The following TMEM132C variants were observed in gnomAD, a reference collection of about 807,000 sequenced individuals.
TMEM132C encodes transmembrane protein 132C, also known as protein phosphatase 1, regulatory subunit 152.
Under a neutral mutation model 61.4 loss-of-function variants are expected in TMEM132C, and 29 were observed. The observed-to-expected ratio is 0.47, with a 90% CI of 0.35 to 0.64. TMEM132C has a LOEUF of 0.64. Ranked by LOEUF, TMEM132C falls within the 30% of genes least tolerant of loss-of-function variation. The pLI, the probability that TMEM132C is intolerant of heterozygous loss-of-function variation, is 0.00. For synonymous variants in TMEM132C, 656 were observed against 633.1 expected, an observed-to-expected ratio of 1.04 and a Z score of -0.54; for missense variants, 1,408 against 1,476.9, an observed-to-expected ratio of 0.95 and a Z score of 0.76.
chr12:128,440,982 A>G (rs535890519), intron 2 of TMEM132C, among the ~76,000 whole-genome samples: 32 of 152,324 alleles, frequency 2.1e-4, no homozygotes, highest in African/African-American at 7.7e-4. Flanking sequence ...CAGAGGTTGC[A>G]GTGAGCTCAG....
At chr12:128,331,018 A>C (rs902038247) in intron 1 of TMEM132C, among the ~76,000 whole-genome samples, 1 of 152,190 alleles carries the variant, frequency 6.6e-6, no homozygotes, top group Non-Finnish European at 1.5e-5. Flanking sequence ...CCAACAATAA[A>C]AGAATGAAAG....
intron 4 of TMEM132C, among the ~76,000 whole-genome samples, chr12:128,668,857 G>A (rs1240061725): frequency 6.6e-6 from 1 of 152,058 alleles, no homozygotes; most frequent in Non-Finnish European, 1.5e-5. Context: ...CTCCTCCTCT[G>A]ACCTTCATGG....
chr12:128,392,893 G>C (rs1874814599), intron 1 of TMEM132C, among the ~76,000 whole-genome samples: 1 of 152,196 alleles, frequency 6.6e-6, no homozygotes, highest in Non-Finnish European at 1.5e-5. Flanking sequence ...GCGGCCTGCA[G>C]GCCGTGGGTT....
chr12:128,407,590 C>G (rs1460225262), intron 1 of TMEM132C, among the ~76,000 whole-genome samples: 1 of 152,184 alleles, frequency 6.6e-6, no homozygotes, highest in African/African-American at 2.4e-5. Flanking sequence ...ATGGCCTCAG[C>G]TGGGATCGCA....
At chr12:128,693,567 T>C (rs1954735034) in intron 5 of TMEM132C, among the ~76,000 whole-genome samples, 1 of 152,184 alleles carries the variant, frequency 6.6e-6, no homozygotes, top group African/African-American at 2.4e-5. Context: ...ACCGAGCCCA[T>C]GGTCCCTGTA....
At chr12:128,595,360 C>T (rs1391192490) in intron 3 of TMEM132C, among the ~76,000 whole-genome samples, 4 of 152,166 alleles carry the variant, frequency 2.6e-5, no homozygotes, top group African/African-American at 9.7e-5. Flanking sequence ...TCTCTCCAGG[C>T]CCTGGCTTCC....
intron 1 of TMEM132C, among the ~76,000 whole-genome samples, chr12:128,400,855 C>T (rs1593040167): frequency 6.6e-6 from 1 of 151,838 alleles, no homozygotes; most frequent in African/African-American, 2.4e-5. Flanking sequence ...AGGGATCCAC[C>T]GCCTTAGCCT....
intron 1 of TMEM132C, among the ~76,000 whole-genome samples, chr12:128,300,202 GT>G (rs1433887788): frequency 6.6e-6 from 1 of 152,120 alleles, no homozygotes; most frequent in Non-Finnish European, 1.5e-5. Flanking sequence ...CCTCTAAGCA[GT>G]TTTTTACTGG....
chr12:128,308,009 AG>A (rs1871840869), intron 1 of TMEM132C, among the ~76,000 whole-genome samples: 1 of 152,226 alleles, frequency 6.6e-6, no homozygotes, highest in Non-Finnish European at 1.5e-5. Flanking sequence ...AGGGCTGGGC[AG>A]GTATTCAAAG....
rs1265369391 is a variant in TMEM132C, at chr12:128,524,616, T to C, written c.975-19341T>C. Among the ~76,000 whole-genome samples the C allele has an allele frequency of 5.9e-5, 9 of 152,316 alleles. No homozygotes were observed. In the East Asian group the frequency reaches 1.7e-3, roughly 29 times the overall value. ...TTTGTGAATTGGGAGAAAACAAGCC[T>C]ACTCATTAAAATTCCACCGTGAGAA... On this transcript the variant is annotated intron_variant, in intron 2 of 8. Transcript: ENST00000435159.
At chr12:128,388,461 C>T (rs1225103409) in intron 1 of TMEM132C, among the ~76,000 whole-genome samples, 1 of 152,262 alleles carries the variant, frequency 6.6e-6, no homozygotes, top group African/African-American at 2.4e-5. Flanking sequence ...TCTTCCCTCT[C>T]TCCCTGCCTC....
intron 1 of TMEM132C, among the ~76,000 whole-genome samples, chr12:128,286,139 C>T (rs1016028105): frequency 7.2e-5 from 11 of 152,042 alleles, no homozygotes; most frequent in African/African-American, 1.2e-4. Context: ...TTCACACACA[C>T]GCATGCTTTC....
intron 1 of TMEM132C, chr12:128,404,906 A>G (rs1468755700): frequency 7.5e-6 from 1 of 133,456 alleles, no homozygotes; most frequent in African/African-American, 2.7e-5. Flanking sequence ...GGAGGACACA[A>G]TATCCCCAAC....
intron 1 of TMEM132C, among the ~76,000 whole-genome samples, chr12:128,363,130 A>G (rs956718343): frequency 1.3e-5 from 2 of 152,254 alleles, no homozygotes; most frequent in Non-Finnish European, 2.9e-5. Flanking sequence ...TCCGTTTTGT[A>G]GGAAAAAGTC....
At chr12:128,700,941 A>G (rs1310269431) in intron 8 of TMEM132C, among the ~76,000 whole-genome samples, 3 of 152,206 alleles carry the variant, frequency 2.0e-5, no homozygotes, top group Non-Finnish European at 4.4e-5. Flanking sequence ...TGGTGAAGAC[A>G]ATACCAGTAG....
Position 128,669,559 on chromosome 12 carries a change from A to G in TMEM132C, c.1448A>G (p.Lys483Arg). 6.4e-7 allele frequency: 1 copy of G among 1,551,236 alleles called. No individual in the cohort carries two copies. Among genetic ancestry groups the G allele is most frequent in the Non-Finnish European group, 8.7e-7 (1 of 1,146,794 alleles). Residue 483 changes from lysine to arginine, a missense_variant and splice_region_variant, in exon 5 of 9, where the codon AAA becomes AGA. Lys to Arg is a conservative substitution (Grantham distance 26). Coordinates refer to ENST00000435159, the MANE Select transcript of TMEM132C (RefSeq NM_001136103.3). ...ECKSTDEDVI[K>R]VSERCDYIFV... ...AAGTCCACAGACGAGGACGTTATCA[A>G]AGTAAGTCATTCCACAGCCAGCTGG...
intron 2 of TMEM132C, among the ~76,000 whole-genome samples, chr12:128,504,296 A>G (rs1490143506): frequency 1.3e-5 from 2 of 152,318 alleles, no homozygotes; most frequent in Middle Eastern, 3.4e-3. Flanking sequence ...TTTGGCCAAA[A>G]GAGTCCCAGA....
rs762428823 is a variant in TMEM132C, at chr12:128,616,320, C to T, written c.1290C>T (p.Ile430=). The T allele has an allele frequency of 2.8e-5, 44 of 1,551,608 alleles. No individual in the cohort carries two copies. Among genetic ancestry groups the T allele is most frequent in the South Asian group, 4.8e-5 (4 of 83,990 alleles). Reference sequence around the variant, plus strand: ...TCAGCCAGAAGGACCTGGTGGGCATCGTTCCCTTGGCTATGGTGAGTCCTG... The same window carrying T: ...TCAGCCAGAAGGACCTGGTGGGCATTGTTCCCTTGGCTATGGTGAGTCCTG... ...IFVSQKDLVG[I]VPLAMDTEIL... is the part of the protein sequence containing the mutation. The change falls in exon 4 of 9, where the codon ATC becomes ATT. Residue 430 remains isoleucine (I), a synonymous_variant. Transcript: ENST00000435159.
At chr12:128,675,831 T>TAGA (rs1222853689) in intron 5 of TMEM132C, among the ~76,000 whole-genome samples, 24 of 143,402 alleles carry the variant, frequency 1.7e-4, no homozygotes, top group Admixed American at 7.1e-4. Flanking sequence ...TAGATTTAGA[T>TAGA]AGATAGAAGA....
Sources: gnomAD v4.1 joint callset for allele counts (sites outside exome capture counted in the v4.1 genomes callset) on GRCh38, gnomAD v4.1.1 for gene constraint, MANE v1.5 for transcripts, NCBI Gene and HGNC (gene_info 2026-07-23, HGNC 2026-07-21) for gene names.